The following STK24 variants were observed in gnomAD, a reference collection of about 807,000 sequenced individuals.
STK24 encodes the protein serine/threonine kinase 24, also known as serine/threonine-protein kinase 24.
A neutral mutation model predicts 55.6 loss-of-function variants in STK24; 21 were observed. The ratio of observed to expected loss-of-function variants is 0.38; its 90% CI spans 0.27 to 0.54. The LOEUF is 0.54. Ranked by LOEUF, STK24 falls within the 20% of genes least tolerant of loss-of-function variation. STK24 has a pLI of 0.79. For missense variants in STK24, 383 were observed against 538.4 expected, an observed-to-expected ratio of 0.71 and a Z score of 2.86; for synonymous variants, 200 against 215.2, an observed-to-expected ratio of 0.93 and a Z score of 0.62.
chr13:98,542,570 A>G (rs1896918942), intron 1 of STK24, among the ~76,000 whole-genome samples: 1 of 152,152 alleles, frequency 6.6e-6, no homozygotes, highest in Middle Eastern at 3.2e-3. Context: ...TATAAATATA[A>G]ATGGCTTCCT....
chr13:98,468,088 T>G (rs897443639), intron 5 of STK24, among the ~76,000 whole-genome samples: 84 of 152,182 alleles, frequency 5.5e-4, no homozygotes, highest in African/African-American at 1.9e-3. Flanking sequence ...GGCTGCAGGG[T>G]GCTTTAACTA....
At chr13:98,542,896 A>C (rs1896927377) in intron 1 of STK24, 11 of 985,412 alleles carry the variant, frequency 1.1e-5, no homozygotes, top group Non-Finnish European at 1.2e-5. Context: ...TTTCCAAACA[A>C]CACCAGAACA....
intron 1 of STK24, among the ~76,000 whole-genome samples, chr13:98,573,701 T>C (rs1465651372): frequency 6.6e-6 from 1 of 152,248 alleles, no homozygotes; most frequent in African/African-American, 2.4e-5. Flanking sequence ...AGCAATGAGA[T>C]AAACTTTAAT....
intron 2 of STK24, among the ~76,000 whole-genome samples, chr13:98,497,712 C>T (rs1895297813): frequency 6.6e-6 from 1 of 152,192 alleles, no homozygotes; most frequent in South Asian, 2.1e-4. Context: ...TGCCCATTGG[C>T]TTGTCTCTCA....
chr13:98,472,439 A>G (rs1273880429), intron 5 of STK24, among the ~76,000 whole-genome samples: 2 of 152,208 alleles, frequency 1.3e-5, no homozygotes, highest in African/African-American at 4.8e-5. Flanking sequence ...TCATGTGAGC[A>G]GTGATGGTGC....
rs1257903072 is a variant in STK24, at chr13:98,448,984, C to G, written c.*4189G>C. 3 of 152,212 alleles carry G rather than the reference C, an allele frequency of 2.0e-5. No individual in the cohort carries two copies. The highest frequency in any genetic ancestry group is 4.4e-5 in the Non-Finnish European group (3 of 68,068). The allele number at this position is 152,212 out of a possible 1,614,324, so 9.4% of individuals were successfully genotyped here. On this transcript the variant is annotated 3_prime_UTR_variant, in exon 11 of 11. Coordinates refer to ENST00000539966, the MANE Select transcript of STK24 (RefSeq NM_001032296.4). The stretch of plus-strand genomic sequence containing the variant: ...GACCAAATCGTTTTAAGTGGTAACT[C>G]TTTCCAACCGTAGCAGGGTTGTTTT...
chr13:98,489,272 G>A (rs1306590311), intron 2 of STK24, among the ~76,000 whole-genome samples: 2 of 152,226 alleles, frequency 1.3e-5, no homozygotes. Flanking sequence ...TAACTCCACA[G>A]TGTCCTCTGT....
chr13:98,574,928 C>T (rs945300417), intron 1 of STK24, among the ~76,000 whole-genome samples: 4 of 152,110 alleles, frequency 2.6e-5, no homozygotes, highest in Admixed American at 1.3e-4. Context: ...CTTCACGGCA[C>T]CAGCCAAAGG....
At position 98,446,385 on chromosome 13, in the gene STK24, T is replaced by C; in HGVS notation, c.*6788A>G. 3.3e-6 allele frequency: 2 copies of C among 601,726 alleles called. No homozygotes were observed. 37.3% of individuals were successfully genotyped at this position (601,726 alleles called of 1,614,324 possible). ...CCCTCAACTCTAGGGAAGACTGACA[T>C]TATCATCCACTGAAGGACAACTTCT... On this transcript the variant is annotated 3_prime_UTR_variant, in exon 11 of 11. Coordinates refer to ENST00000539966, the MANE Select transcript of STK24 (RefSeq NM_001032296.4).
chr13:98,479,109 A>G (rs1426440678), intron 3 of STK24, among the ~76,000 whole-genome samples: 23 of 152,182 alleles, frequency 1.5e-4, no homozygotes, highest in Non-Finnish European at 2.9e-5. Context: ...GACAGACTGC[A>G]TTTAAGTTAG....
At chr13:98,503,720 GT>G (rs1342126175) in intron 2 of STK24, among the ~76,000 whole-genome samples, 6 of 152,146 alleles carry the variant, frequency 3.9e-5, no homozygotes, top group Non-Finnish European at 8.8e-5. Context: ...ATCCTTAGAA[GT>G]CATAAAGATA....
rs1292103702 is a variant in STK24, at chr13:98,445,866, G to A, written c.*7307C>T. ...TAGTCAGGACCTCAACGTGTCTTTT[G>A]GGGGGACACAGGGACCCCAAGATGC... On this transcript the variant is annotated 3_prime_UTR_variant, in exon 11 of 11. Coordinates refer to ENST00000539966, the MANE Select transcript of STK24 (RefSeq NM_001032296.4). 1.8e-5 allele frequency: 8 copies of A among 441,972 alleles called. No homozygotes were observed. The highest frequency in any genetic ancestry group is 3.3e-5 in the Non-Finnish European group (8 of 242,258). The allele number at this position is 441,972 out of a possible 1,614,324, so 27.4% of individuals were successfully genotyped here. A position where few individuals can be genotyped will look rare whatever the true frequency, so the allele number is the denominator to read the frequency against.
At position 98,449,611 on chromosome 13, in the gene STK24, T is replaced by G. The variant is rs1893087630; in HGVS notation, c.*3562A>C. On this transcript the variant is annotated 3_prime_UTR_variant, in exon 11 of 11. Transcript: ENST00000539966. ...ACCCTCTCTGTGGAGCTCTGACTGG[T>G]GTAGCTGGAAACAAACAGCAACTTG... 6.6e-6 allele frequency: 1 copy of G among 152,630 alleles called. No individual in the cohort carries two copies. Among genetic ancestry groups the G allele is most frequent in the Non-Finnish European group, 1.5e-5 (1 of 68,064 alleles). The allele number at this position is 152,630 out of a possible 1,614,324, so 9.5% of individuals were successfully genotyped here.
At chr13:98,493,747 T>C (rs1318904193) in intron 2 of STK24, among the ~76,000 whole-genome samples, 1 of 152,162 alleles carries the variant, frequency 6.6e-6, no homozygotes, top group Non-Finnish European at 1.5e-5. Context: ...CATTAATTCT[T>C]TCAAGACCCA....
Position 98,484,640 on chromosome 13 carries a change from C to T in STK24, c.274-2319G>A, listed in dbSNP as rs114207386. 8.7e-3 allele frequency among the ~76,000 whole-genome samples: 1,327 copies of T among 152,278 alleles called. 24 individuals carry two copies. The highest frequency in any genetic ancestry group is 0.03 in the African/African-American group (1,226 of 41,540). On this transcript the variant is annotated intron_variant, in intron 2 of 10. Transcript: ENST00000539966. ...GTTCGCTGCTCTCTCAATCTGACCA[C>T]GAAGGTACGTCACCACTTGCCAAGC...
chr13:98,568,372 G>T (rs1302479627), intron 1 of STK24, among the ~76,000 whole-genome samples: 1 of 152,132 alleles, frequency 6.6e-6, no homozygotes, highest in Non-Finnish European at 1.5e-5. Flanking sequence ...CTCTGCCGGG[G>T]GAATGAGTGA....
chr13:98,465,707 G>A (rs1369923825), intron 6 of STK24, among the ~76,000 whole-genome samples: 3 of 152,236 alleles, frequency 2.0e-5, no homozygotes, highest in African/African-American at 4.8e-5. Flanking sequence ...GAAAAGGGGG[G>A]CTCAGCTTAG....
intron 1 of STK24, among the ~76,000 whole-genome samples, chr13:98,534,294 A>C (rs1896654487): frequency 6.6e-6 from 1 of 152,210 alleles, no homozygotes; most frequent in Admixed American, 6.5e-5. Context: ...AAATTCTAAC[A>C]GTGAGAAAAT....
At chr13:98,457,379 C>T (rs1893509751) in intron 9 of STK24, 75 bp from the exon 10 acceptor site, 8 of 1,591,828 alleles carry the variant, frequency 5.0e-6, no homozygotes, top group Admixed American at 3.4e-5. Context: ...GTTCAAGGAA[C>T]AACACGGCGT....
Sources: allele counts gnomAD v4.1 joint callset (sites outside exome capture counted in the v4.1 genomes callset), GRCh38; gene constraint gnomAD v4.1.1; transcripts MANE v1.5; gene names NCBI Gene and HGNC (gene_info 2026-07-23, HGNC 2026-07-21).